Variants in DPP8 observed in about 807,000 individuals in gnomAD.
The protein encoded by DPP8 is DPP VIII.
DPP8 carries 31 observed loss-of-function variants against 107.5 expected under a neutral mutation model. The observed-to-expected ratio is 0.29, with a 90% CI of 0.22 to 0.39. The LOEUF is 0.39. DPP8 is among the 10% of genes least tolerant of loss of function. The pLI is 1.00. For missense variants in DPP8, 842 were observed against 1,076.1 expected, an observed-to-expected ratio of 0.78 and a Z score of 3.04; for synonymous variants, 381 against 356.6, an observed-to-expected ratio of 1.07 and a Z score of -0.77.
chr15:65,472,300 TG>T (rs2065959235), intron 12 of DPP8, among the ~76,000 whole-genome samples: 1 of 152,076 alleles, frequency 6.6e-6, no homozygotes, highest in South Asian at 2.1e-4. Context: ...ATTTATTTAT[TG>T]GTTTTTTTTG....
intron 11 of DPP8, chr15:65,475,555 C>A: frequency 7.8e-7 from 1 of 1,281,406 alleles, no homozygotes; most frequent in Non-Finnish European, 1.1e-6. Flanking sequence ...CATCCCCAGG[C>A]ACTGAATTAG....
At chr15:65,493,441 A>C (rs1367592353) in intron 5 of DPP8, among the ~76,000 whole-genome samples, 1 of 152,190 alleles carries the variant, frequency 6.6e-6, no homozygotes, top group South Asian at 2.1e-4. Context: ...CCAGCAGGGT[A>C]ACCAAATACC....
intron 19 of DPP8, among the ~76,000 whole-genome samples, chr15:65,448,698 TATATATAAAATGTAC>T (rs1227178330): frequency 3.7e-5 from 5 of 135,252 alleles, no homozygotes; most frequent in African/African-American, 1.1e-4. Flanking sequence ...AAAATATATA[TATATATAAAATGTAC>T]ATATATATAT....
At chr15:65,485,744 G>A (rs1258202572) in intron 7 of DPP8, among the ~76,000 whole-genome samples, 1 of 151,700 alleles carries the variant, frequency 6.6e-6, no homozygotes, top group Non-Finnish European at 1.5e-5. Context: ...GATCACTTGA[G>A]CTCAGGAATT....
At chr15:65,510,123 G>C (rs112644284) in intron 2 of DPP8, among the ~76,000 whole-genome samples, 2 of 151,990 alleles carry the variant, frequency 1.3e-5, no homozygotes, top group Non-Finnish European at 2.9e-5. Context: ...AGATCAGCCT[G>C]GACAACATGG....
At chr15:65,448,722 A>ATAAAATATACATATATATC (rs1162094370) in intron 19 of DPP8, among the ~76,000 whole-genome samples, 2 of 138,520 alleles carry the variant, frequency 1.4e-5, no homozygotes, top group Non-Finnish European at 3.1e-5. Flanking sequence ...ACATATATAT[A>ATAAAATATACATATATATC]TAAAATATAC....
At chr15:65,499,701 A>G (rs2068994467) in intron 4 of DPP8, among the ~76,000 whole-genome samples, 1 of 151,794 alleles carries the variant, frequency 6.6e-6, no homozygotes, top group Non-Finnish European at 1.5e-5. Context: ...AGTAGCTGGG[A>G]CTACAGGCGC....
intron 5 of DPP8, among the ~76,000 whole-genome samples, chr15:65,492,985 A>AT (rs1049246860): frequency 2.6e-5 from 4 of 152,156 alleles, no homozygotes; most frequent in African/African-American, 4.8e-5. Flanking sequence ...CAAACCAATG[A>AT]TTTTTTTATC....
chr15:65,448,724 A>G (rs570854413), intron 19 of DPP8, among the ~76,000 whole-genome samples: 2 of 126,494 alleles, frequency 1.6e-5, no homozygotes, highest in African/African-American at 6.9e-5. Context: ...ATATATATAT[A>G]AAATATACAT....
intron 12 of DPP8, among the ~76,000 whole-genome samples, chr15:65,473,163 A>G (rs2066056904): frequency 6.6e-6 from 1 of 151,756 alleles, no homozygotes; most frequent in African/African-American, 2.4e-5. Context: ...CCTCTCTCCT[A>G]AAAATACAAA....
rs1349361603 is a variant in DPP8, at chr15:65,442,896, ACCT to A, written c.*3985_*3987del. Reference sequence around the variant, plus strand: ...ATATCTGCTGGGAATAGACACACTCACCTTATATAGTTTAGAAATGGCCATGTC... The same window carrying A: ...ATATCTGCTGGGAATAGACACACTCATATATAGTTTAGAAATGGCCATGTC... On this transcript the variant is annotated 3_prime_UTR_variant, in exon 20 of 20. Transcript: ENST00000300141. The A allele has an allele frequency of 3.3e-5, 5 of 152,112 alleles. No individual in the cohort carries two copies. Among genetic ancestry groups the A allele is most frequent in the Non-Finnish European group, 5.9e-5 (4 of 68,006 alleles). The allele number at this position is 152,112 out of a possible 1,614,324, so 9.4% of individuals were successfully genotyped here. A position where few individuals can be genotyped will look rare whatever the true frequency, so the allele number is the denominator to read the frequency against.
rs113854842 is a variant in DPP8, at chr15:65,512,092, A to C, written c.259+203T>G. The stretch of plus-strand genomic sequence containing the variant: ...TCGATTTTGAAAAACGATCATGATC[A>C]ATTAATGACTTGTTACCTACAAGTA... On this transcript the variant is annotated intron_variant, in intron 2 of 19. Coordinates refer to ENST00000300141, the MANE Select transcript of DPP8 (RefSeq NM_130434.5). 39 of 709,106 alleles carry C rather than the reference A, an allele frequency of 5.5e-5. No individual in the cohort carries two copies. In the African/African-American group the frequency reaches 6.6e-4, roughly 12 times the overall value. The allele number at this position is 709,106 out of a possible 1,614,324, so 43.9% of individuals were successfully genotyped here. A position where few individuals can be genotyped will look rare whatever the true frequency, so the allele number is the denominator to read the frequency against.
intron 5 of DPP8, among the ~76,000 whole-genome samples, chr15:65,494,149 CTTTTT>C (rs542314824): frequency 8.1e-6 from 1 of 123,296 alleles, no homozygotes; most frequent in Admixed American, 8.8e-5. Flanking sequence ...GTTCTATATC[CTTTTT>C]TTTTTTTTTA....
At chr15:65,502,831 C>T (rs2069412241) in intron 3 of DPP8, 1 of 151,764 alleles carries the variant, frequency 6.6e-6, no homozygotes, top group African/African-American at 2.4e-5. Flanking sequence ...ATTTGACTGA[C>T]ATTAAAATAA....
In DPP8 at chr15:65,443,550, T is replaced by C. The variant is rs1488672840; in HGVS notation, c.*3334A>G. 2 of 151,540 alleles carry C rather than the reference T, an allele frequency of 1.3e-5. No homozygotes were observed. The highest frequency in any genetic ancestry group is 2.9e-5 in the Non-Finnish European group (2 of 67,990). The allele number at this position is 151,540 out of a possible 1,614,324, so 9.4% of individuals were successfully genotyped here. On this transcript the variant is annotated 3_prime_UTR_variant, in exon 20 of 20. Transcript: ENST00000300141. ...TCGCATTCTTTTAAAAGGTAATGCA[T>C]GCATTGTGACCTAATCCTCTTGTAT... is the stretch of plus-strand genomic sequence containing the variant.
chr15:65,487,732 A>G lies in DPP8; in HGVS notation c.913T>C (p.Leu305=). The G allele has an allele frequency of 6.2e-7, 1 of 1,609,996 alleles. No individual in the cohort carries two copies. ...VEIIHVTSPM[L]ETRRADSFRY... Reference sequence around the variant, plus strand: ...AATGAATCTGCCCTCCTTGTTTCCAACATAGGGGATGTAACATGAATAATT... The same window carrying G: ...AATGAATCTGCCCTCCTTGTTTCCAGCATAGGGGATGTAACATGAATAATT... The change falls in exon 7 of 20, where the codon TTG becomes CTG. Residue 305 remains leucine (L), a synonymous_variant. Coordinates refer to ENST00000300141, the MANE Select transcript of DPP8 (RefSeq NM_130434.5).
intron 3 of DPP8, among the ~76,000 whole-genome samples, chr15:65,506,415 A>T (rs1282897569): frequency 6.6e-6 from 1 of 151,948 alleles, no homozygotes; most frequent in Non-Finnish European, 1.5e-5. Flanking sequence ...GTACCGAAAC[A>T]TTATCTTTGG....
rs2067284312 is a variant in DPP8, at chr15:65,485,166, G to C, written c.956-6C>G. On this transcript the variant is annotated splice_region_variant and splice_polypyrimidine_tract_variant and intron_variant, in intron 7 of 19. Coordinates refer to ENST00000300141, the MANE Select transcript of DPP8 (RefSeq NM_130434.5). ...GACTTTAGGATTTGCTGTACCTTTA[G>C]AAAGAGACATAAATGATAGTAATGT... The C allele has an allele frequency of 2.5e-6, 4 of 1,585,514 alleles. No homozygotes were observed. The highest frequency in any genetic ancestry group is 3.5e-6 in the Non-Finnish European group (4 of 1,154,246).
chr15:65,510,309 C>T (rs181141286), intron 2 of DPP8, among the ~76,000 whole-genome samples: 2 of 151,998 alleles, frequency 1.3e-5, no homozygotes, highest in African/African-American at 4.8e-5. Flanking sequence ...GAGACCCCGT[C>T]TCAAAAAATA....
Sources: gnomAD v4.1 joint callset for allele counts (sites outside exome capture counted in the v4.1 genomes callset) on GRCh38, gnomAD v4.1.1 for gene constraint, MANE v1.5 for transcripts, NCBI Gene and HGNC (gene_info 2026-07-23, HGNC 2026-07-21) for gene names.